PHF24: variants seen among roughly 807,000 people sequenced by gnomAD.
PHF24 encodes the protein Galpha inhibitory interacting protein.
In PHF24, 25 loss-of-function variants were observed where a neutral mutation model predicts 42.6. The observed-to-expected ratio is 0.59, with a 90% CI of 0.43 to 0.82. PHF24 has a LOEUF of 0.82. PHF24 is among the 40% of genes least tolerant of loss of function. PHF24 has a pLI of 0.00. For synonymous variants in PHF24, 185 were observed against 204.8 expected (o/e 0.90, Z 0.83); for missense variants, 470 against 538.1 (o/e 0.87, Z 1.25).
At chr9:34,697,720 G>A in the PHF24 span, among the ~76,000 whole-genome samples, 1 of 152,214 alleles carries the variant, frequency 6.6e-6, no homozygotes, top group Non-Finnish European at 1.5e-5. Flanking sequence ...AGAAATAAAT[G>A]TTGAAATTAC....
chr9:34,921,808 A>G, the PHF24 span, among the ~76,000 whole-genome samples: 4 of 152,346 alleles, frequency 2.6e-5, no homozygotes, highest in African/African-American at 7.2e-5. Flanking sequence ...ACTGGAACCA[A>G]TGATCCCTTT....
chr9:34,978,469 G>A, exon 8 of PHF24: 1 of 236,496 alleles, frequency 4.2e-6, no homozygotes, highest in Non-Finnish European at 8.4e-6. Context: ...AAGTCCCTTT[G>A]TGAAGCCCCT....
chr9:34,855,316 A>C, the PHF24 span, among the ~76,000 whole-genome samples: 1 of 152,170 alleles, frequency 6.6e-6, no homozygotes, highest in African/African-American at 2.4e-5. Context: ...TCCTGTCATC[A>C]TGATGCTAGC....
Position 34,977,108 on chromosome 9 carries a change from T to C in PHF24, c.875T>C (p.Val292Ala), listed in dbSNP as rs781253272. 5.6e-6 allele frequency: 9 copies of C among 1,608,940 alleles called. No homozygotes were observed. In the Admixed American group the frequency reaches 1.2e-4, roughly 21 times the overall value. ...AACTCTCTGTTGAGGCTTCTGACAG[T>C]GAAGGAGCGGGAGCGAGCCCGAGCC... The change falls in exon 6 of 8, where the codon GTG (valine) becomes GCG (alanine). Residue 292 changes from valine (V) to alanine (A), a missense_variant. Val to Ala is a moderately conservative substitution (Grantham distance 64). Coordinates refer to ENST00000242315, the Ensembl canonical transcript of PHF24.
At chr9:34,667,287 A>G in the PHF24 span, among the ~76,000 whole-genome samples, 1 of 152,058 alleles carries the variant, frequency 6.6e-6, no homozygotes, top group Non-Finnish European at 1.5e-5. Context: ...AATGTGAGGA[A>G]TGGATACCCC....
the PHF24 span, among the ~76,000 whole-genome samples, chr9:34,766,717 G>A: frequency 3.2e-4 from 49 of 152,312 alleles, no homozygotes; most frequent in African/African-American, 1.0e-3. Context: ...GTCATTCTCC[G>A]TCCAGCTTTG....
chr9:34,781,882 T>C, the PHF24 span, among the ~76,000 whole-genome samples: 3 of 152,180 alleles, frequency 2.0e-5, no homozygotes, highest in Non-Finnish European at 4.4e-5. Context: ...AAACTCTGTA[T>C]TATTTCTATT....
At chr9:34,882,752 T>G in the PHF24 span, among the ~76,000 whole-genome samples, 1 of 152,110 alleles carries the variant, frequency 6.6e-6, no homozygotes, top group Non-Finnish European at 1.5e-5. Flanking sequence ...TGCTCATGGA[T>G]AGGAAGAATC....
chr9:34,945,356 G>A, the PHF24 span, among the ~76,000 whole-genome samples: 1 of 152,226 alleles, frequency 6.6e-6, no homozygotes, highest in Non-Finnish European at 1.5e-5. Context: ...GAAGGGGTGA[G>A]GGAGGGTGAA....
At chr9:34,832,588 T>G in the PHF24 span, 1 of 1,544,488 alleles carries the variant, frequency 6.5e-7, no homozygotes, top group South Asian at 1.2e-5. Flanking sequence ...ACCTTCACAG[T>G]GGCAGAGAAC....
At chr9:34,908,631 C>T in the PHF24 span, among the ~76,000 whole-genome samples, 1 of 152,026 alleles carries the variant, frequency 6.6e-6, no homozygotes, top group African/African-American at 2.4e-5. Flanking sequence ...GAAAAGGGAA[C>T]AGGAAACATC....
chr9:34,836,313 C>G, the PHF24 span, among the ~76,000 whole-genome samples: 1 of 152,266 alleles, frequency 6.6e-6, no homozygotes, highest in South Asian at 2.1e-4. Context: ...GAGCTGAGTT[C>G]TGTGTTGGCC....
chr9:34,960,996 A>G (rs905117280), intron 1 of PHF24, among the ~76,000 whole-genome samples: 1 of 152,134 alleles, frequency 6.6e-6, no homozygotes, highest in Non-Finnish European at 1.5e-5. Flanking sequence ...TCAACCTTTG[A>G]TCTTTCACAT....
the PHF24 span, among the ~76,000 whole-genome samples, chr9:34,863,280 AT>A: frequency 6.6e-6 from 1 of 152,130 alleles, no homozygotes. Flanking sequence ...TTGAGCAAAC[AT>A]AGGTAGCATT....
the PHF24 span, among the ~76,000 whole-genome samples, chr9:34,755,637 A>G: frequency 6.6e-6 from 1 of 151,606 alleles, no homozygotes; most frequent in African/African-American, 2.4e-5. Flanking sequence ...AATTATGATT[A>G]TTAATATTTT....
chr9:34,723,048 A>G, the PHF24 span: 5 of 737,668 alleles, frequency 6.8e-6, no homozygotes, highest in South Asian at 4.1e-5. Context: ...CAGACAGACA[A>G]TGTATTGCTG....
the PHF24 span, among the ~76,000 whole-genome samples, chr9:34,826,623 G>A: frequency 1.7e-4 from 26 of 152,332 alleles, no homozygotes; most frequent in Non-Finnish European, 3.5e-4. Flanking sequence ...TGATGTTGTG[G>A]AGAAGCCACC....
chr9:34,977,838 A>G (rs773048673), intron 7 of PHF24, among the ~76,000 whole-genome samples, 177 bp from the exon 8 acceptor site: 6 of 152,120 alleles, frequency 3.9e-5, no homozygotes, highest in African/African-American at 7.2e-5. Flanking sequence ...AGCCAGCCAT[A>G]GCCAGGTCAG....
chr9:34,935,357 G>A, the PHF24 span, among the ~76,000 whole-genome samples: 1 of 152,200 alleles, frequency 6.6e-6, no homozygotes, highest in Non-Finnish European at 1.5e-5. Flanking sequence ...ACTCTGGGAG[G>A]CTGAGGCAGG....
Sources: allele counts gnomAD v4.1 joint callset (sites outside exome capture counted in the v4.1 genomes callset), GRCh38; gene constraint gnomAD v4.1.1; transcripts MANE v1.5; gene names NCBI Gene and HGNC (gene_info 2026-07-23, HGNC 2026-07-21).